The following IGSF11 variants were observed in gnomAD, a reference collection of about 807,000 sequenced individuals.
IGSF11 encodes the protein CXADR like 1.
IGSF11 carries 22 observed loss-of-function variants against 41.0 expected under a neutral mutation model. The observed-to-expected ratio is 0.54, with a 90% CI of 0.38 to 0.77. The LOEUF is 0.77. Ranked by LOEUF, IGSF11 falls within the 30% of genes least tolerant of loss-of-function variation. IGSF11 has a pLI of 0.00. For synonymous variants in IGSF11, 219 were observed against 201.3 expected (o/e 1.09, Z -0.74); for missense variants, 444 against 530.8 (o/e 0.84, Z 1.61).
intron 1 of IGSF11, among the ~76,000 whole-genome samples, chr3:119,110,686 T>G (rs983843914): frequency 2.0e-5 from 3 of 152,208 alleles, no homozygotes; most frequent in African/African-American, 4.8e-5. Flanking sequence ...TTCCTAGTCT[T>G]GATGGTCTTT....
chr3:118,974,377 G>A (rs1933821593), intron 1 of IGSF11, among the ~76,000 whole-genome samples: 1 of 152,172 alleles, frequency 6.6e-6, no homozygotes, highest in East Asian at 1.9e-4. Context: ...GGAAGAAAAG[G>A]CAACGGTTCA....
At chr3:118,911,459 T>G (rs961118253) in intron 4 of IGSF11, among the ~76,000 whole-genome samples, 2 of 152,144 alleles carry the variant, frequency 1.3e-5, no homozygotes, top group African/African-American at 4.8e-5. Context: ...CTCACACCTA[T>G]AGTCCCAGCA....
At chr3:119,029,601 C>T (rs1374088225) in intron 1 of IGSF11, among the ~76,000 whole-genome samples, 3 of 151,846 alleles carry the variant, frequency 2.0e-5, no homozygotes, top group African/African-American at 4.8e-5. Flanking sequence ...AACGAGAGGA[C>T]GACAAGTAAA....
At chr3:119,093,521 A>G (rs752549791) in intron 1 of IGSF11, among the ~76,000 whole-genome samples, 22 of 152,226 alleles carry the variant, frequency 1.4e-4, no homozygotes, top group Non-Finnish European at 2.5e-4. Context: ...CAAATCTTTA[A>G]TAACCACGAG....
intron 1 of IGSF11, among the ~76,000 whole-genome samples, chr3:119,119,530 C>A (rs1180724716): frequency 6.6e-6 from 1 of 152,168 alleles, no homozygotes; most frequent in East Asian, 1.9e-4. Context: ...CAAACGATAT[C>A]AGGGTTGTCT....
intron 1 of IGSF11, among the ~76,000 whole-genome samples, chr3:118,989,163 C>A (rs1341749365): frequency 6.6e-6 from 1 of 152,142 alleles, no homozygotes; most frequent in East Asian, 1.9e-4. Context: ...TCAGACACAA[C>A]CCTTGTCTAG....
intron 1 of IGSF11, among the ~76,000 whole-genome samples, chr3:118,996,470 C>T (rs1936277746): frequency 6.6e-6 from 1 of 152,208 alleles, no homozygotes; most frequent in Non-Finnish European, 1.5e-5. Context: ...GCCTCTTAAT[C>T]CAGTTTCCTT....
chr3:119,056,264 C>T (rs574156817), intron 1 of IGSF11, among the ~76,000 whole-genome samples: 21 of 151,888 alleles, frequency 1.4e-4, no homozygotes, highest in South Asian at 6.2e-4. Flanking sequence ...ATCAAATAGA[C>T]GCAATAAAAA....
intron 3 of IGSF11, among the ~76,000 whole-genome samples, 168 bp downstream of exon 3, chr3:118,928,341 G>A (rs988778485): frequency 1.3e-5 from 2 of 152,182 alleles, no homozygotes; most frequent in African/African-American, 4.8e-5. Context: ...AAAGGAGGGG[G>A]AGACTATCTG....
chr3:119,094,741 G>A (rs996644185), intron 1 of IGSF11, among the ~76,000 whole-genome samples: 7 of 149,756 alleles, frequency 4.7e-5, no homozygotes, highest in Non-Finnish European at 5.9e-5. Flanking sequence ...GCACAATCTC[G>A]GTTCACTGCA....
At chr3:119,124,709 C>A (rs967622510) in intron 1 of IGSF11, among the ~76,000 whole-genome samples, 6 of 151,860 alleles carry the variant, frequency 4.0e-5, no homozygotes, top group Admixed American at 2.6e-4. Context: ...GAGTTATTGG[C>A]GTTAAAGAGG....
intron 1 of IGSF11, among the ~76,000 whole-genome samples, chr3:119,047,934 GT>G (rs1200827009): frequency 2.0e-5 from 3 of 152,268 alleles, no homozygotes; most frequent in South Asian, 2.1e-4. Flanking sequence ...AAATAAAGAT[GT>G]TCTTTGAAAC....
At chr3:119,048,882 A>G (rs1306726105) in intron 1 of IGSF11, among the ~76,000 whole-genome samples, 20 of 152,234 alleles carry the variant, frequency 1.3e-4, no homozygotes, top group African/African-American at 4.8e-4. Flanking sequence ...TATAAACAGA[A>G]CCAAAGACAA....
intron 1 of IGSF11, among the ~76,000 whole-genome samples, chr3:118,974,362 C>T (rs1933819194): frequency 6.6e-6 from 1 of 152,118 alleles, no homozygotes; most frequent in South Asian, 2.1e-4. Context: ...TGAGAAAGAT[C>T]CGTTGGAAGA....
rs367705563 is a variant in IGSF11, at chr3:118,995,453, G to A, written c.52+39078C>T. ...ACTAAAGAGAGGTATTAATAATAAC[G>A]GAAGACTGGAGATTAATTAAGAAGC... is the stretch of plus-strand genomic sequence containing the variant. On this transcript the variant is annotated intron_variant, in intron 1 of 6. Coordinates refer to ENST00000393775, the MANE Select transcript of IGSF11 (RefSeq NM_001015887.3). Among the ~76,000 whole-genome samples, 5 of 152,152 alleles carry A rather than the reference G, an allele frequency of 3.3e-5. No individual in the cohort carries two copies. In the South Asian group the frequency reaches 6.2e-4, roughly 19 times the overall value.
intron 6 of IGSF11, among the ~76,000 whole-genome samples, chr3:118,903,347 T>C (rs1939155771): frequency 6.6e-6 from 1 of 151,866 alleles, no homozygotes; most frequent in Non-Finnish European, 1.5e-5. Flanking sequence ...ATTTAGTATC[T>C]TGCTTTATAT....
chr3:119,094,689 T>TG (rs1491138227), intron 1 of IGSF11, among the ~76,000 whole-genome samples: 1 of 149,368 alleles, frequency 6.7e-6, no homozygotes, highest in Non-Finnish European at 1.5e-5. Flanking sequence ...TTTTTTTTTT[T>TG]AGACTGAGTT....
At chr3:119,026,676 A>T (rs1939861736) in intron 1 of IGSF11, among the ~76,000 whole-genome samples, 1 of 152,196 alleles carries the variant, frequency 6.6e-6, no homozygotes, top group South Asian at 2.1e-4. Flanking sequence ...TTAAATCTTG[A>T]CCTTTTGTAA....
intron 1 of IGSF11, among the ~76,000 whole-genome samples, chr3:119,044,712 G>A (rs1034708543): frequency 6.6e-6 from 1 of 152,170 alleles, no homozygotes; most frequent in African/African-American, 2.4e-5. Flanking sequence ...ACTAACACCA[G>A]ATTTCTCAGC....
Sources: allele counts gnomAD v4.1 joint callset (sites outside exome capture counted in the v4.1 genomes callset), GRCh38; gene constraint gnomAD v4.1.1; transcripts MANE v1.5; gene names NCBI Gene and HGNC (gene_info 2026-07-23, HGNC 2026-07-21).